Variants in DTD1 observed in about 807,000 individuals in gnomAD.
DTD1 encodes the protein D-tyrosyl-tRNA deacylase 1 homolog.
In DTD1, 13 loss-of-function variants were observed where a neutral mutation model predicts 25.6. That is an observed-to-expected ratio of 0.51 (90% confidence interval 0.33 to 0.81). The LOEUF (loss-of-function observed/expected upper bound fraction) is 0.81, where lower values mean the gene tolerates loss of function less well. Among genes scored for constraint, DTD1 ranks in the 30% least tolerant of loss-of-function variants. DTD1 has a pLI of 0.02. For missense variants in DTD1, 193 were observed against 266.4 expected (o/e 0.72, Z 1.92); for synonymous variants, 110 against 103.6 (o/e 1.06, Z -0.37).
intron 4 of DTD1, among the ~76,000 whole-genome samples, chr20:18,704,033 C>T (rs2061116068): frequency 6.7e-6 from 1 of 148,926 alleles, no homozygotes; most frequent in South Asian, 2.1e-4. Context: ...CGGAGTCTCG[C>T]TCTGTCACCT....
intron 4 of DTD1, among the ~76,000 whole-genome samples, chr20:18,655,999 G>A (rs1439458593): frequency 3.3e-5 from 5 of 152,212 alleles, no homozygotes; most frequent in Middle Eastern, 3.4e-3. Context: ...TTGAACTCCC[G>A]ACCTCAGATG....
chr20:18,728,258 G>A (rs1216134963), intron 4 of DTD1, among the ~76,000 whole-genome samples: 1 of 152,068 alleles, frequency 6.6e-6, no homozygotes, highest in African/African-American at 2.4e-5. Flanking sequence ...AGGGAAGAGG[G>A]CGGGGCCATC....
At chr20:18,756,970 TGAA>T (rs2061341949) in intron 5 of DTD1, among the ~76,000 whole-genome samples, 2 of 148,268 alleles carry the variant, frequency 1.3e-5, no homozygotes. Flanking sequence ...TAGTTCTCCT[TGAA>T]GAGGTCCTTC....
intron 4 of DTD1, among the ~76,000 whole-genome samples, chr20:18,719,044 T>C (rs951418953): frequency 2.0e-5 from 3 of 152,260 alleles, no homozygotes; most frequent in Non-Finnish European, 4.4e-5. Flanking sequence ...CCATAATTAA[T>C]TGAAATATTG....
intron 4 of DTD1, among the ~76,000 whole-genome samples, chr20:18,663,761 T>C (rs564630100): frequency 4.0e-4 from 61 of 152,324 alleles, no homozygotes; most frequent in African/African-American, 1.2e-3. Flanking sequence ...ATGAAACTTA[T>C]AATTGTAGAA....
chr20:18,631,335 C>G, intron 4 of DTD1: 6 of 985,410 alleles, frequency 6.1e-6, no homozygotes, highest in Non-Finnish European at 7.2e-6. Context: ...GGTGGGGCCC[C>G]TCTGAAGATG....
At chr20:18,760,983 A>T (rs914045585) in intron 5 of DTD1, among the ~76,000 whole-genome samples, 1 of 152,038 alleles carries the variant, frequency 6.6e-6, no homozygotes, top group African/African-American at 2.4e-5. Flanking sequence ...TTGATCTCAG[A>T]CTGCTGTGCT....
chr20:18,726,444 G>T (rs562949812), intron 4 of DTD1, among the ~76,000 whole-genome samples: 11 of 152,272 alleles, frequency 7.2e-5, no homozygotes, highest in African/African-American at 2.6e-4. Context: ...GATGAGGGGG[G>T]TGTTTTTGTC....
At chr20:18,682,804 G>A (rs1471768982) in intron 4 of DTD1, among the ~76,000 whole-genome samples, 1 of 152,184 alleles carries the variant, frequency 6.6e-6, no homozygotes, top group African/African-American at 2.4e-5. Context: ...GTTCTTATGG[G>A]CATCAACATG....
intron 4 of DTD1, among the ~76,000 whole-genome samples, chr20:18,661,411 G>A (rs958963770): frequency 2.3e-5 from 3 of 130,140 alleles, no homozygotes; most frequent in African/African-American, 2.9e-5. Context: ...TTGCTCTGTC[G>A]CCCAGGCTAG....
At chr20:18,696,787 C>T (rs961784510) in intron 4 of DTD1, among the ~76,000 whole-genome samples, 32 of 152,018 alleles carry the variant, frequency 2.1e-4, no homozygotes, top group Non-Finnish European at 4.3e-4. Flanking sequence ...CTCCCGACCT[C>T]AGGTGATACG....
rs78934288 is a variant in DTD1, at chr20:18,628,262, G to A, written c.477+29G>A. On this transcript the variant is annotated intron_variant, in intron 4 of 5. Transcript: ENST00000377452. ...AGCCTGGAGTCTGGTGCCTGGCTCC[G>A]TCCCTTGGGTGCCTGTAACATCCCT... The A allele has an allele frequency of 6.6e-4, 1,028 of 1,565,462 alleles. 9 individuals carry two copies. In the African/African-American group the frequency reaches 0.012, roughly 19 times the overall value.
At chr20:18,758,141 A>T (rs1228311770) in intron 5 of DTD1, among the ~76,000 whole-genome samples, 2 of 151,668 alleles carry the variant, frequency 1.3e-5, no homozygotes, top group Non-Finnish European at 2.9e-5. Context: ...TTTTTATTGC[A>T]TCTATTTGAT....
In DTD1 at chr20:18,765,852, C is replaced by A. The variant is rs1265469659; in HGVS notation, c.*2512C>A. On this transcript the variant is annotated 3_prime_UTR_variant, in exon 6 of 6. Coordinates refer to ENST00000377452, the MANE Select transcript of DTD1 (RefSeq NM_080820.6). ...TACTGCTTATTGTCCATTAAAACAT[C>A]ATTTGAATGAGGATGGGAGAGGAGA... The A allele has an allele frequency of 6.6e-6, 1 of 152,210 alleles. No individual in the cohort carries two copies. The highest frequency in any genetic ancestry group is 1.5e-5 in the Non-Finnish European group (1 of 68,042). 9.4% of individuals were successfully genotyped at this position (152,210 alleles called of 1,614,324 possible).
intron 3 of DTD1, among the ~76,000 whole-genome samples, chr20:18,609,650 C>A (rs1969315585): frequency 6.6e-6 from 1 of 152,092 alleles, no homozygotes; most frequent in South Asian, 2.1e-4. Flanking sequence ...TATTCCTACT[C>A]CTCCTTGGCA....
chr20:18,617,400 A>T (rs2060713294), intron 3 of DTD1, among the ~76,000 whole-genome samples: 1 of 150,556 alleles, frequency 6.6e-6, no homozygotes, highest in African/African-American at 2.4e-5. Flanking sequence ...ATACACACAC[A>T]TATATATTTG....
chr20:18,611,941 G>A (rs191665892), intron 3 of DTD1, among the ~76,000 whole-genome samples: 3 of 151,982 alleles, frequency 2.0e-5, no homozygotes, highest in Non-Finnish European at 2.9e-5. Flanking sequence ...TGTAACCTCC[G>A]CCTCCCAGAT....
intron 4 of DTD1, among the ~76,000 whole-genome samples, chr20:18,685,895 G>C (rs909684071): frequency 2.0e-5 from 3 of 152,178 alleles, no homozygotes; most frequent in East Asian, 1.9e-4. Context: ...ACCAAGTCAT[G>C]GTTTTTCTTT....
intron 3 of DTD1, among the ~76,000 whole-genome samples, chr20:18,616,064 A>T (rs988946614): frequency 3.3e-5 from 5 of 152,214 alleles, no homozygotes; most frequent in Admixed American, 2.0e-4. Flanking sequence ...TGCCAAAGGC[A>T]TTATTTTTCT....
Sources: allele counts gnomAD v4.1 joint callset (sites outside exome capture counted in the v4.1 genomes callset), GRCh38; gene constraint gnomAD v4.1.1; transcripts MANE v1.5; gene names NCBI Gene and HGNC (gene_info 2026-07-23, HGNC 2026-07-21).